Variants in CSRNP3 observed in about 807,000 individuals in gnomAD.
CSRNP3 encodes the protein cysteine/serine-rich nuclear protein 3.
Under a neutral mutation model 48.0 loss-of-function variants are expected in CSRNP3, and 12 were observed. The ratio of observed to expected loss-of-function variants is 0.25; its 90% CI spans 0.16 to 0.41. The LOEUF (loss-of-function observed/expected upper bound fraction) is 0.41. CSRNP3 is among the 10% of genes least tolerant of loss of function. The pLI is 1.00. For missense variants in CSRNP3, 580 were observed against 724.4 expected (o/e 0.80, Z 2.29); for synonymous variants, 263 against 269.7 (o/e 0.98, Z 0.24).
rs555625550 is a variant in CSRNP3, at chr2:165,531,921, C to T, written c.-24+13960C>T. ...AAACACAAACTACCATCAGAGAATA[C>T]TATAAACACCTCTACACAAATAAAC... On this transcript the variant is annotated intron_variant, in intron 3 of 6. Transcript: ENST00000651982. 1.0e-3 allele frequency among the ~76,000 whole-genome samples: 154 copies of T among 152,254 alleles called. 1 individual carries two copies. Among genetic ancestry groups the T allele is most frequent in the African/African-American group, 3.5e-3 (147 of 41,546 alleles).
At chr2:165,629,849 C>T (rs1462269875) in intron 4 of CSRNP3, among the ~76,000 whole-genome samples, 1 of 152,132 alleles carries the variant, frequency 6.6e-6, no homozygotes, top group Non-Finnish European at 1.5e-5. Context: ...TATTTGTCTT[C>T]ATTTTGCACT....
intron 1 of CSRNP3, among the ~76,000 whole-genome samples, chr2:165,470,698 CA>C (rs1301770424): frequency 6.6e-6 from 1 of 151,736 alleles, no homozygotes; most frequent in Non-Finnish European, 1.5e-5. Context: ...TAAAAACATA[CA>C]AAAAAACTGA....
chr2:165,518,993 T>G (rs1684615953), intron 3 of CSRNP3, among the ~76,000 whole-genome samples: 1 of 152,100 alleles, frequency 6.6e-6, no homozygotes, highest in Non-Finnish European at 1.5e-5. Flanking sequence ...GGCATGTAAT[T>G]AATTCTAAAG....
intron 3 of CSRNP3, among the ~76,000 whole-genome samples, chr2:165,551,646 G>A (rs1466852530): frequency 6.6e-6 from 1 of 152,150 alleles, no homozygotes; most frequent in African/African-American, 2.4e-5. Context: ...TATTCCCAGA[G>A]GAATTTAAAA....
At chr2:165,637,035 T>C (rs956514803) in intron 4 of CSRNP3, among the ~76,000 whole-genome samples, 1 of 152,178 alleles carries the variant, frequency 6.6e-6, no homozygotes, top group African/African-American at 2.4e-5. Context: ...TGTTTTGTTT[T>C]TGTTTTTAGC....
At chr2:165,499,168 A>T (rs1383401751) in intron 2 of CSRNP3, among the ~76,000 whole-genome samples, 1 of 152,162 alleles carries the variant, frequency 6.6e-6, no homozygotes, top group East Asian at 1.9e-4. Flanking sequence ...AATTCTACTA[A>T]CCATCTTCAA....
chr2:165,678,301 AGGCACAAGAGCTG>A (rs1280773708), intron 6 of CSRNP3, among the ~76,000 whole-genome samples: 1 of 152,084 alleles, frequency 6.6e-6, no homozygotes, highest in Non-Finnish European at 1.5e-5. Context: ...GTTTAAAATC[AGGCACAAGAGCTG>A]GGGTGCAGCA....
chr2:165,598,331 G>GTCTA (rs1238781473), intron 4 of CSRNP3, among the ~76,000 whole-genome samples: 1 of 152,126 alleles, frequency 6.6e-6, no homozygotes, highest in African/African-American at 2.4e-5. Flanking sequence ...GTCAGGCAAA[G>GTCTA]TCTAAGTCTG....
chr2:165,487,700 T>G (rs1684141438), intron 1 of CSRNP3, among the ~76,000 whole-genome samples: 2 of 146,766 alleles, frequency 1.4e-5, no homozygotes, highest in African/African-American at 5.1e-5. Context: ...AAGCTAAGCT[T>G]CATAAGTGAA....
intron 4 of CSRNP3, among the ~76,000 whole-genome samples, chr2:165,648,118 T>A (rs1573942306): frequency 6.6e-6 from 1 of 152,160 alleles, no homozygotes; most frequent in Non-Finnish European, 1.5e-5. Context: ...ATAATTTTTT[T>A]AAGTGATTTG....
chr2:165,590,708 C>T (rs563462162), intron 3 of CSRNP3, among the ~76,000 whole-genome samples: 8 of 152,218 alleles, frequency 5.3e-5, no homozygotes, highest in East Asian at 3.9e-4. Context: ...CCCCTCTATT[C>T]GGCACTTTTC....
rs1032767935 is a variant in CSRNP3, at chr2:165,688,391, G to A, written c.*8638G>A. ...TTTTAATACATATGTACTGGTTAAT[G>A]CCTGTTTACGCAGAAAATGGCACTT... On this transcript the variant is annotated 3_prime_UTR_variant, in exon 7 of 7. Transcript: ENST00000651982. The A allele has an allele frequency of 1.3e-5, 2 of 152,080 alleles. No individual in the cohort carries two copies. The highest frequency in any genetic ancestry group is 4.8e-5 in the African/African-American group (2 of 41,428). The allele number at this position is 152,080 out of a possible 1,614,324, so 9.4% of individuals were successfully genotyped here. A position where few individuals can be genotyped will look rare whatever the true frequency, so the allele number is the denominator to read the frequency against.
At chr2:165,638,983 C>T (rs1573936590) in intron 4 of CSRNP3, among the ~76,000 whole-genome samples, 2 of 152,206 alleles carry the variant, frequency 1.3e-5, no homozygotes, top group South Asian at 4.1e-4. Flanking sequence ...TTTTCATCCA[C>T]CAATCAATAC....
intron 4 of CSRNP3, among the ~76,000 whole-genome samples, chr2:165,630,938 A>G (rs1020642851): frequency 2.0e-5 from 3 of 152,210 alleles, no homozygotes; most frequent in East Asian, 1.9e-4. Context: ...AGGGAGGCTA[A>G]TTATTTGTTA....
intron 3 of CSRNP3, among the ~76,000 whole-genome samples, chr2:165,533,997 GA>G: frequency 1.3e-5 from 2 of 152,008 alleles, no homozygotes. Context: ...TCCTGTCTAG[GA>G]AACAATGAAT....
intron 4 of CSRNP3, among the ~76,000 whole-genome samples, chr2:165,597,241 A>C (rs532117388): frequency 6.6e-6 from 1 of 152,330 alleles, no homozygotes; most frequent in East Asian, 1.9e-4. Flanking sequence ...TATAAGAGTA[A>C]AACCAAAACA....
intron 3 of CSRNP3, among the ~76,000 whole-genome samples, chr2:165,544,911 C>T (rs1031166422): frequency 5.9e-5 from 9 of 151,964 alleles, no homozygotes; most frequent in African/African-American, 2.2e-4. Flanking sequence ...ACTTAACCCT[C>T]TACAATTTAA....
intron 1 of CSRNP3, among the ~76,000 whole-genome samples, chr2:165,489,026 T>A (rs1684162626): frequency 1.4e-5 from 2 of 138,148 alleles, no homozygotes; most frequent in Non-Finnish European, 3.1e-5. Context: ...TTTGAAAGGA[T>A]CAACAAAATT....
intron 5 of CSRNP3, among the ~76,000 whole-genome samples, chr2:165,661,200 A>T (rs1687091490): frequency 6.6e-6 from 1 of 152,216 alleles, no homozygotes; most frequent in Admixed American, 6.5e-5. Context: ...TTTGTTTGAA[A>T]TATAAACACC....
Sources: gnomAD v4.1 joint callset for allele counts (sites outside exome capture counted in the v4.1 genomes callset) on GRCh38, gnomAD v4.1.1 for gene constraint, MANE v1.5 for transcripts, NCBI Gene and HGNC (gene_info 2026-07-23, HGNC 2026-07-21) for gene names.